Variants in VGLL4 observed in about 807,000 individuals in gnomAD.
VGLL4 encodes vestigial like family member 4.
VGLL4 carries 7 observed loss-of-function variants against 21.0 expected under a neutral mutation model. The ratio of observed to expected loss-of-function variants is 0.33; its 90% CI spans 0.19 to 0.63. The LOEUF (loss-of-function observed/expected upper bound fraction) is 0.63, where lower values mean the gene tolerates loss of function less well. Ranked by LOEUF, VGLL4 falls within the 20% of genes least tolerant of loss-of-function variation. The probability of loss-of-function intolerance (pLI) is 0.78; values close to 1 mark genes in which losing one functional copy is unlikely to be tolerated. For missense variants in VGLL4, 394 were observed against 425.7 expected (o/e 0.93, Z 0.66); for synonymous variants, 222 against 173.2 (o/e 1.28, Z -2.21).
Position 11,556,587 on chromosome 3 carries a change from C to CAAATCTACG in VGLL4, c.*1960_*1968dup, listed in dbSNP as rs1300035185. 1.3e-5 allele frequency: 2 copies of CAAATCTACG among 151,298 alleles called. No homozygotes were observed. Among genetic ancestry groups the CAAATCTACG allele is most frequent in the Non-Finnish European group, 3.0e-5 (2 of 67,780 alleles). 9.4% of individuals were successfully genotyped at this position (151,298 alleles called of 1,614,324 possible). On this transcript the variant is annotated 3_prime_UTR_variant, in exon 5 of 5. Coordinates refer to ENST00000430365, the MANE Select transcript of VGLL4 (RefSeq NM_001128219.3). ...ATAACTGTTCCTGCACTTTTACAGA[C>CAAATCTACG]AAATCTACGACAAAAAAAAAGATCA...
At chr3:11,711,377 A>G (rs145355300) in intron 1 of VGLL4, among the ~76,000 whole-genome samples, 37 of 152,212 alleles carry the variant, frequency 2.4e-4, no homozygotes, top group African/African-American at 8.7e-4. Flanking sequence ...ATCCCGGCTA[A>G]CATGGTGAAA....
chr3:11,644,011 A>G, upstream of VGLL4: 1 of 984,564 alleles, frequency 1.0e-6, no homozygotes, highest in Non-Finnish European at 1.2e-6. Flanking sequence ...GCTTCTGCAC[A>G]GGATCAGCCT....
chr3:11,609,425 G>A (rs1341227401), intron 1 of VGLL4, among the ~76,000 whole-genome samples: 1 of 152,162 alleles, frequency 6.6e-6, no homozygotes, highest in East Asian at 1.9e-4. Context: ...TCATGATTAA[G>A]GGAGATTTCA....
At chr3:11,639,829 T>C (rs879857787) in intron 1 of VGLL4, among the ~76,000 whole-genome samples, 4 of 151,734 alleles carry the variant, frequency 2.6e-5, no homozygotes, top group Non-Finnish European at 5.9e-5. Flanking sequence ...TGAGTGGAGA[T>C]GGCGCCACTG....
intron 2 of VGLL4, among the ~76,000 whole-genome samples, chr3:11,573,765 T>C (rs911788765): frequency 2.6e-5 from 4 of 152,250 alleles, no homozygotes; most frequent in African/African-American, 9.6e-5. Flanking sequence ...TTAATTTCTG[T>C]AATGGGTTGA....
chr3:11,559,114 T>C (rs1327178096), intron 4 of VGLL4, among the ~76,000 whole-genome samples: 1 of 152,252 alleles, frequency 6.6e-6, no homozygotes. Flanking sequence ...AACTAGGGCA[T>C]GAGACCCTGG....
chr3:11,617,212 TC>T (rs2075178295), intron 1 of VGLL4, among the ~76,000 whole-genome samples: 1 of 152,224 alleles, frequency 6.6e-6, no homozygotes, highest in Admixed American at 6.5e-5. Context: ...GTATGAGCAT[TC>T]CAGGCAGGTA....
In VGLL4 at chr3:11,565,664, G is replaced by A; in HGVS notation, c.273-645C>T. Among the ~76,000 whole-genome samples the A allele has an allele frequency of 6.6e-6, 1 of 152,190 alleles. No homozygotes were observed. Among genetic ancestry groups the A allele is most frequent in the Non-Finnish European group, 1.5e-5 (1 of 68,030 alleles). ...GCCGGCGCGCAGCTCTCTCGTCCAG[G>A]ACACACGAGCAGGAGTGACCTGCGT... On this transcript the variant is annotated intron_variant, in intron 2 of 4. Transcript: ENST00000430365. The surrounding 1 kb of genome is among the most constrained non-coding windows in gnomAD (Gnocchi z 4.1).
intron 2 of VGLL4, among the ~76,000 whole-genome samples, chr3:11,567,457 A>G (rs1360514955): frequency 6.6e-6 from 1 of 152,240 alleles, no homozygotes; most frequent in African/African-American, 2.4e-5. Flanking sequence ...TGTTCAGCCC[A>G]TTAAGACAAT....
At chr3:11,560,100 T>G (rs1253193133) in intron 3 of VGLL4, among the ~76,000 whole-genome samples, 1 of 151,976 alleles carries the variant, frequency 6.6e-6, no homozygotes, top group Non-Finnish European at 1.5e-5. Flanking sequence ...CCCTTGTTCC[T>G]TCAAGCCCTG....
At chr3:11,559,959 G>A (rs772158803) in intron 3 of VGLL4, among the ~76,000 whole-genome samples, 1 of 152,100 alleles carries the variant, frequency 6.6e-6, no homozygotes, top group African/African-American at 2.4e-5. Flanking sequence ...CTACAAATCG[G>A]GACAGAGAGG....
At chr3:11,601,718 A>G in intron 2 of VGLL4, 115 bp downstream of exon 2, 1 of 1,261,172 alleles carries the variant, frequency 7.9e-7, no homozygotes, top group East Asian at 2.5e-5. Flanking sequence ...TGTAAATAAT[A>G]TCCTTTTCAA....
At chr3:11,716,045 T>C (rs998147401) in intron 1 of VGLL4, among the ~76,000 whole-genome samples, 3 of 151,976 alleles carry the variant, frequency 2.0e-5, no homozygotes, top group African/African-American at 7.3e-5. Context: ...GGCTCACACC[T>C]GTAATCCCAG....
At chr3:11,628,140 G>A (rs1421790275) in intron 1 of VGLL4, among the ~76,000 whole-genome samples, 3 of 152,088 alleles carry the variant, frequency 2.0e-5, no homozygotes, top group Non-Finnish European at 4.4e-5. Context: ...TATAATCCCA[G>A]CACTTTGGGA....
chr3:11,580,454 A>G (rs1302021890), intron 2 of VGLL4, among the ~76,000 whole-genome samples: 1 of 152,214 alleles, frequency 6.6e-6, no homozygotes, highest in Non-Finnish European at 1.5e-5. Context: ...TGCTATGAAC[A>G]TGGGTGTGCA....
At chr3:11,634,647 G>C (rs765495493) in intron 1 of VGLL4, among the ~76,000 whole-genome samples, 1 of 150,422 alleles carries the variant, frequency 6.6e-6, no homozygotes, top group Non-Finnish European at 1.5e-5. Flanking sequence ...ATGTGCACCA[G>C]CACCTTATTT....
chr3:11,659,619 C>G (rs1189302076), intron 2 of VGLL4, among the ~76,000 whole-genome samples: 1 of 149,096 alleles, frequency 6.7e-6, no homozygotes, highest in Non-Finnish European at 1.5e-5. Context: ...CAGGCGTGAG[C>G]CACCACGCCC....
At chr3:11,581,592 A>G (rs2074230245) in intron 2 of VGLL4, among the ~76,000 whole-genome samples, 1 of 152,130 alleles carries the variant, frequency 6.6e-6, no homozygotes, top group Non-Finnish European at 1.5e-5. Flanking sequence ...TTACTGAGAG[A>G]TGAAACAAAA....
In VGLL4 at chr3:11,719,059, A is replaced by G. The variant is rs2076955218; in HGVS notation, c.-14+1335T>C. On this transcript the variant is annotated intron_variant, in intron 1 of 5. Coordinates refer to the VGLL4 transcript ENST00000273038. The surrounding 1 kb of genome is among the most constrained non-coding windows in gnomAD (Gnocchi z 4.0). ...CCCTGTGCTCTTCCGCGAGGCCTGC[A>G]CTGGGTGCAGGGAGAGTGTGCAGTC... 6.6e-6 allele frequency among the ~76,000 whole-genome samples: 1 copy of G among 152,178 alleles called. No homozygotes were observed. Among genetic ancestry groups the G allele is most frequent in the African/African-American group, 2.4e-5 (1 of 41,456 alleles).
Sources: gnomAD v4.1 joint callset for allele counts (sites outside exome capture counted in the v4.1 genomes callset) on GRCh38, gnomAD v4.1.1 for gene constraint, Gnocchi (gnomAD v3.1) non-coding constraint, MANE v1.5 for transcripts, NCBI Gene and HGNC (gene_info 2026-07-23, HGNC 2026-07-21) for gene names.